The following WARS1 variants were observed in gnomAD, a reference collection of about 807,000 sequenced individuals.
WARS1 encodes tryptophanyl-tRNA synthetase 1.
Under a neutral mutation model 47.8 loss-of-function variants are expected in WARS1, and 17 were observed. The ratio of observed to expected loss-of-function variants is 0.36; its 90% CI spans 0.24 to 0.53. The LOEUF is 0.53. Ranked by LOEUF, WARS1 falls within the 20% of genes least tolerant of loss-of-function variation. WARS1 has a pLI of 0.91. For synonymous variants in WARS1, 208 were observed against 228.1 expected, an observed-to-expected ratio of 0.91 and a Z score of 0.79; for missense variants, 434 against 608.0, an observed-to-expected ratio of 0.71 and a Z score of 3.01.
At chr14:100,352,780 G>T (rs1595434799) in intron 6 of WARS1, 1 of 152,242 alleles carries the variant, frequency 6.6e-6, no homozygotes, top group South Asian at 2.1e-4. Context: ...AGGTGCTCAA[G>T]AAATATTTGT....
chr14:100,376,280 A>G, upstream of WARS1: 1 of 835,032 alleles, frequency 1.2e-6, no homozygotes, highest in Admixed American at 4.4e-5. Context: ...CGGGCCAGTC[A>G]GCGCTCCCGG....
rs879770768 is a variant in WARS1 at position 100,356,400 on chromosome 14, G to GT, written c.423-1835_423-1834insA. On this transcript the variant is annotated intron_variant, in intron 4 of 10. Coordinates refer to ENST00000392882, the MANE Select transcript of WARS1 (RefSeq NM_004184.4). ...GTGACTGGGTGTGTGTGTGTGTGTG[G>GT]GGGGGGGTGTGGAATAAAAGAGAAG... 3.4e-5 allele frequency among the ~76,000 whole-genome samples: 4 copies of GT among 118,514 alleles called. No homozygotes were observed. The East Asian group carries it at 7.1e-4, about 21-fold the overall frequency. The allele number at this position is 118,514 out of a possible 152,430, so 77.7% of individuals were successfully genotyped here.
intron 3 of WARS1, among the ~76,000 whole-genome samples, chr14:100,361,347 G>A (rs1192916762): frequency 3.3e-5 from 5 of 152,186 alleles, no homozygotes; most frequent in Admixed American, 1.3e-4. Context: ...TCCATAGTCA[G>A]TATCACTGGA....
At chr14:100,367,511 C>A (rs1896068973) in intron 2 of WARS1, among the ~76,000 whole-genome samples, 1 of 146,224 alleles carries the variant, frequency 6.8e-6, no homozygotes, top group Non-Finnish European at 1.5e-5. Flanking sequence ...CTGCTTGAAC[C>A]CAGGAGGCGG....
In WARS1 at chr14:100,342,587, G is replaced by T; in HGVS notation, c.940-16C>A. 1 of 1,597,336 alleles carries T rather than the reference G, an allele frequency of 6.3e-7. No individual in the cohort carries two copies. The highest frequency in any genetic ancestry group is 1.1e-5 in the South Asian group (1 of 89,886). On this transcript the variant is annotated splice_polypyrimidine_tract_variant and intron_variant, in intron 8 of 10. Coordinates refer to ENST00000392882, the MANE Select transcript of WARS1 (RefSeq NM_004184.4). Reference sequence around the variant, plus strand: ...AGTAAGGATCCTGTGGGGAGAGTAAGGACCCTGATGAGGGCGGCCAGAAAA... The same window carrying T: ...AGTAAGGATCCTGTGGGGAGAGTAATGACCCTGATGAGGGCGGCCAGAAAA...
chr14:100,349,094 C>G (rs1481679138), intron 6 of WARS1, among the ~76,000 whole-genome samples: 3 of 152,184 alleles, frequency 2.0e-5, no homozygotes, highest in Non-Finnish European at 1.5e-5. Context: ...CCAGTTACCC[C>G]AGGGAGGGCA....
Position 100,334,970 on chromosome 14 carries a change from A to G in WARS1, c.1321T>C (p.Leu441=). The change falls in exon 11 of 11, where the codon TTG becomes CTG. Residue 441 remains leucine (L), a synonymous_variant. Coordinates refer to ENST00000392882, the MANE Select transcript of WARS1 (RefSeq NM_004184.4). ...CGCCGGGCCTGGTGCTCTGCGATCA[A>G]GGGCTGCAGAACCTCTATGAGTGCC... ...KKALIEVLQP[L]IAEHQARRKE... 6.2e-7 allele frequency: 1 copy of G among 1,614,156 alleles called. No individual in the cohort carries two copies. The highest frequency in any genetic ancestry group is 8.5e-7 in the Non-Finnish European group (1 of 1,180,026).
rs557602223 is a variant in WARS1 at position 100,339,373 on chromosome 14, C to T, written c.1114-2171G>A. Reference sequence around the variant, plus strand: ...TTGGGAGGCCAAGGCGGGCAGATTACGAGGTCAGGAGATCAAGACCATCCT... The same window carrying T: ...TTGGGAGGCCAAGGCGGGCAGATTATGAGGTCAGGAGATCAAGACCATCCT... On this transcript the variant is annotated intron_variant, in intron 9 of 10. Transcript: ENST00000392882. Among the ~76,000 whole-genome samples the T allele has an allele frequency of 2.4e-4, 37 of 152,150 alleles. No homozygotes were observed. In the South Asian group the frequency reaches 3.5e-3, roughly 14 times the overall value.
At chr14:100,358,391 C>G (rs2140027287) in intron 4 of WARS1, among the ~76,000 whole-genome samples, 1 of 152,254 alleles carries the variant, frequency 6.6e-6, no homozygotes, top group East Asian at 1.9e-4. Flanking sequence ...CTTGGCCTCC[C>G]AAAGTGCTGG....
rs1893793184 is a variant in WARS1, at chr14:100,337,119, A to G, written c.1197T>C (p.Ser399=). ...CGAGGAAGAAGGTCAGGTACATGAA[A>G]GACACGTCCACATCACAGTTGCCCC... ...QFGGNCDVDV[S]FMYLTFFLED... The change falls in exon 10 of 11, where the codon TCT becomes TCC. Residue 399 remains serine, a synonymous_variant. Coordinates refer to ENST00000392882, the MANE Select transcript of WARS1 (RefSeq NM_004184.4). 6.2e-7 allele frequency: 1 copy of G among 1,614,046 alleles called. No homozygotes were observed. Among genetic ancestry groups the G allele is most frequent in the Non-Finnish European group, 8.5e-7 (1 of 1,180,022 alleles).
chr14:100,354,858 C>T (rs936366108), intron 4 of WARS1, among the ~76,000 whole-genome samples: 4 of 152,156 alleles, frequency 2.6e-5, no homozygotes, highest in East Asian at 3.9e-4. Flanking sequence ...ACATCAGTGC[C>T]GACATACTGT....
intron 1 of WARS1, among the ~76,000 whole-genome samples, chr14:100,369,570 C>T (rs1222394457): frequency 1.3e-5 from 2 of 151,998 alleles, no homozygotes; most frequent in Non-Finnish European, 2.9e-5. Context: ...CCCTGTGCCC[C>T]CACCCAGTGC....
At chr14:100,367,940 T>C (rs1896107249) in intron 2 of WARS1, among the ~76,000 whole-genome samples, 1 of 128,142 alleles carries the variant, frequency 7.8e-6, no homozygotes, top group Non-Finnish European at 1.6e-5. Flanking sequence ...AGATTTGCTC[T>C]GCCCAAAGAG....
intron 2 of WARS1, 150 bp downstream of exon 2, chr14:100,368,937 G>T: frequency 2.4e-6 from 1 of 424,936 alleles, no homozygotes; most frequent in Non-Finnish European, 3.8e-6. Flanking sequence ...CTCCAGCCTG[G>T]GAAACAAGAG....
intron 5 of WARS1, 24 bp from the exon 6 acceptor site, chr14:100,353,893 G>T (rs372355076): frequency 2.2e-5 from 35 of 1,606,992 alleles, no homozygotes; most frequent in Non-Finnish European, 3.0e-5. Flanking sequence ...GGGGGAGAAA[G>T]CTGACGTCTC....
intron 6 of WARS1, among the ~76,000 whole-genome samples, chr14:100,348,998 A>G (rs1894804382): frequency 6.6e-6 from 1 of 152,180 alleles, no homozygotes; most frequent in Non-Finnish European, 1.5e-5. Context: ...CCATCACGCA[A>G]AGCAGCCATG....
intron 5 of WARS1, 92 bp downstream of exon 5, chr14:100,354,355 C>A (rs1403372192): frequency 1.1e-5 from 16 of 1,515,120 alleles, no homozygotes; most frequent in Non-Finnish European, 1.1e-5. Flanking sequence ...AGCAAATGAA[C>A]TAGCATGATC....
At chr14:100,366,703 G>C (rs745815185) in intron 2 of WARS1, 51 of 794,040 alleles carry the variant, frequency 6.4e-5, no homozygotes, top group Non-Finnish European at 1.0e-4. Context: ...AGACAGAAGG[G>C]ACACCATTAG....
chr14:100,347,308 C>A, intron 6 of WARS1, among the ~76,000 whole-genome samples: 1 of 152,258 alleles, frequency 6.6e-6, no homozygotes, highest in South Asian at 2.1e-4. Flanking sequence ...ACCCACGGCC[C>A]GAGAAGGAGG....
Sources: gnomAD v4.1 joint callset for allele counts (sites outside exome capture counted in the v4.1 genomes callset) on GRCh38, gnomAD v4.1.1 for gene constraint, MANE v1.5 for transcripts, NCBI Gene and HGNC (gene_info 2026-07-23, HGNC 2026-07-21) for gene names.